PDPN: variants seen among roughly 807,000 people sequenced by gnomAD.
The protein encoded by PDPN is podoplanin.
PDPN carries 12 observed loss-of-function variants against 23.2 expected under a neutral mutation model. The observed-to-expected ratio is 0.52, with a 90% confidence interval of 0.33 to 0.84. PDPN has a LOEUF of 0.84. Ranked by LOEUF, PDPN falls within the 40% of genes least tolerant of loss-of-function variation. PDPN has a pLI of 0.02. For missense variants in PDPN, 199 were observed against 212.2 expected, an observed-to-expected ratio of 0.94 and a Z score of 0.39; for synonymous variants, 77 against 76.7, an observed-to-expected ratio of 1.00 and a Z score of -0.02.
At chr1:13,599,011 C>CTTTTTATTTTTTTTTTTTTTT (rs1640568617) in intron 1 of PDPN, among the ~76,000 whole-genome samples, 1 of 127,076 alleles carries the variant, frequency 7.9e-6, no homozygotes, top group Non-Finnish European at 1.7e-5. Flanking sequence ...GCCCCCCCTC[C>CTTTTTATTTTTTTTTTTTTTT]TTTTTTTTTT....
At chr1:13,588,079 T>A (rs1640226978) in intron 1 of PDPN, among the ~76,000 whole-genome samples, 1 of 152,108 alleles carries the variant, frequency 6.6e-6, no homozygotes, top group African/African-American at 2.4e-5. Context: ...TTTGAGGAGC[T>A]GAAAGCTGAC....
At chr1:13,609,491 A>G (rs1250832051) in intron 2 of PDPN, among the ~76,000 whole-genome samples, 3 of 152,158 alleles carry the variant, frequency 2.0e-5, no homozygotes, top group Non-Finnish European at 2.9e-5. Context: ...TAAGTGTACA[A>G]TTCAGTAGTG....
chr1:13,599,028 T>TTTTTTTTTG (rs1640570499), intron 1 of PDPN, among the ~76,000 whole-genome samples: 1 of 133,998 alleles, frequency 7.5e-6, no homozygotes. Context: ...TTTTTTTTTT[T>TTTTTTTTTG]GGAGATGGAG....
At position 13,583,887 on chromosome 1, in the gene PDPN, C is replaced by A; in HGVS notation, c.-147C>A. ...GGTCTGGGAAGCTCGGGCACCCTCC[C>A]TCTCCGGGGCTCCTGCTCCCACCCC... is the stretch of plus-strand genomic sequence containing the variant. On this transcript the variant is annotated 5_prime_UTR_variant, in exon 1 of 6. Transcript: ENST00000621990. The A allele has an allele frequency of 6.2e-7, 1 of 1,610,948 alleles. No individual in the cohort carries two copies. The highest frequency in any genetic ancestry group is 8.5e-7 in the Non-Finnish European group (1 of 1,178,350).
At chr1:13,599,720 C>G (rs1245882497) in intron 1 of PDPN, among the ~76,000 whole-genome samples, 2 of 152,134 alleles carry the variant, frequency 1.3e-5, no homozygotes, top group Non-Finnish European at 2.9e-5. Flanking sequence ...CAAGAGTACT[C>G]TAGTCCTTAA....
At chr1:13,591,523 C>G (rs950466349) in intron 1 of PDPN, among the ~76,000 whole-genome samples, 2 of 152,180 alleles carry the variant, frequency 1.3e-5, no homozygotes, top group Non-Finnish European at 2.9e-5. Context: ...TCCTCCTCCC[C>G]CTAGACCCTG....
intron 1 of PDPN, among the ~76,000 whole-genome samples, chr1:13,585,851 T>C (rs1570003112): frequency 6.6e-6 from 1 of 152,246 alleles, no homozygotes; most frequent in South Asian, 2.1e-4. Context: ...TGAGCGAAGC[T>C]ATTGTGGGCT....
intron 1 of PDPN, chr1:13,585,721 G>A (rs989015401): frequency 6.1e-6 from 7 of 1,141,268 alleles, no homozygotes; most frequent in Non-Finnish European, 8.4e-6. Flanking sequence ...AGTGGTATGC[G>A]GGGCTGGCTG....
chr1:13,598,771 G>A, intron 1 of PDPN, among the ~76,000 whole-genome samples: 1 of 152,076 alleles, frequency 6.6e-6, no homozygotes, highest in Non-Finnish European at 1.5e-5. Context: ...AGCACCAGCT[G>A]TTCCCCTATC....
intron 2 of PDPN, among the ~76,000 whole-genome samples, chr1:13,608,395 T>C (rs533958759): frequency 1.6e-4 from 25 of 152,360 alleles, no homozygotes; most frequent in Non-Finnish European, 3.4e-4. Flanking sequence ...CGGAGGTTCC[T>C]GCCTGCCTAT....
chr1:13,600,715 T>C lies in PDPN; in HGVS notation c.68-6458T>C, dbSNP rs561776656. 5.9e-5 allele frequency among the ~76,000 whole-genome samples: 9 copies of C among 152,284 alleles called. No individual in the cohort carries two copies. The South Asian group carries it at 1.7e-3, about 28-fold the overall frequency. ...AAAGAAACACTAATTCTGACACTTG[T>C]TGAAATTGTACGGAAGACTTTAGTC... On this transcript the variant is annotated intron_variant, in intron 1 of 5. Coordinates refer to ENST00000621990, the MANE Select transcript of PDPN (RefSeq NM_006474.5).
At chr1:13,590,257 C>T (rs1640304611) in intron 1 of PDPN, among the ~76,000 whole-genome samples, 1 of 152,246 alleles carries the variant, frequency 6.6e-6, no homozygotes, top group South Asian at 2.1e-4. Context: ...TCCCTGTCCC[C>T]TTAAGCATTT....
intron 1 of PDPN, among the ~76,000 whole-genome samples, chr1:13,604,546 C>T (rs991350373): frequency 5.3e-5 from 8 of 151,876 alleles, no homozygotes; most frequent in Non-Finnish European, 7.4e-5. Flanking sequence ...TATAAAGTTA[C>T]GCTTTCAATG....
chr1:13,607,674 G>C (rs1011603113), intron 2 of PDPN, among the ~76,000 whole-genome samples: 1 of 152,174 alleles, frequency 6.6e-6, no homozygotes, highest in Non-Finnish European at 1.5e-5. Context: ...CAGGTGGTTG[G>C]AGAGTAGAAG....
intron 1 of PDPN, among the ~76,000 whole-genome samples, chr1:13,599,523 T>A (rs1177976936): frequency 6.6e-6 from 1 of 151,282 alleles, no homozygotes; most frequent in Non-Finnish European, 1.5e-5. Context: ...GTAGCTGGGA[T>A]TACAGAGGCC....
chr1:13,611,849 A>G (rs1325829800), intron 3 of PDPN, among the ~76,000 whole-genome samples: 1 of 152,266 alleles, frequency 6.6e-6, no homozygotes, highest in Non-Finnish European at 1.5e-5. Context: ...TTTAAACACC[A>G]GAGAAAGCCA....
At chr1:13,610,304 T>C in intron 2 of PDPN, 83 bp from the exon 3 acceptor site, 1 of 1,215,636 alleles carries the variant, frequency 8.2e-7, no homozygotes, top group Non-Finnish European at 1.2e-6. Context: ...TTATGCCACC[T>C]TAAATCCTTT....
chr1:13,598,701 C>T (rs1008258583), intron 1 of PDPN, among the ~76,000 whole-genome samples: 1 of 152,142 alleles, frequency 6.6e-6, no homozygotes, highest in Non-Finnish European at 1.5e-5. Context: ...CACCTGGCCA[C>T]ACTGACCATC....
chr1:13,614,839 C>T (rs1039707835), intron 5 of PDPN: 1 of 517,464 alleles, frequency 1.9e-6, no homozygotes, highest in African/African-American at 1.9e-5. Context: ...TCTGAAGTTT[C>T]CCCAGAAGGA....
Sources: allele counts gnomAD v4.1 joint callset (sites outside exome capture counted in the v4.1 genomes callset), GRCh38; gene constraint gnomAD v4.1.1; transcripts MANE v1.5; gene names NCBI Gene and HGNC (gene_info 2026-07-23, HGNC 2026-07-21).